The following NLGN4X variants were observed in gnomAD, a reference collection of about 807,000 sequenced individuals.
NLGN4X encodes the protein neuroligin 4 X-linked.
In NLGN4X, 3 loss-of-function variants were observed where a neutral mutation model predicts 40.3. The observed-to-expected ratio is 0.07, with a 90% CI of 0.03 to 0.19. NLGN4X has a LOEUF of 0.19. Among genes scored for constraint, NLGN4X ranks in the 10% least tolerant of loss-of-function variants. The pLI is 1.00. For missense variants in NLGN4X, 382 were observed against 708.3 expected (o/e 0.54, Z 5.23); for synonymous variants, 270 against 306.8 (o/e 0.88, Z 1.25).
intron 3 of NLGN4X, among the ~76,000 whole-genome samples, chrX:5,910,611 A>G (rs1056561315): frequency 9.0e-6 from 1 of 111,489 alleles, no homozygotes; most frequent in African/African-American, 3.3e-5. Context: ...TTTAAAACAA[A>G]AAGAGTAGAG....
chrX:6,172,079 C>T (rs942612842), intron 1 of NLGN4X, among the ~76,000 whole-genome samples: 1 of 111,923 alleles, frequency 8.9e-6, no homozygotes, highest in South Asian at 3.8e-4. Flanking sequence ...GCTTCCTGTA[C>T]GGCCTGCAGA....
intron 1 of NLGN4X, among the ~76,000 whole-genome samples, chrX:6,202,052 TAGA>T (rs1417390610): frequency 9.1e-6 from 1 of 110,414 alleles, no homozygotes; most frequent in Non-Finnish European, 1.9e-5. Context: ...GAAGGAAAAT[TAGA>T]AGAATAGATT....
intron 2 of NLGN4X, among the ~76,000 whole-genome samples, chrX:6,147,893 TTAAA>T (rs1399328795): frequency 1.8e-5 from 2 of 112,071 alleles, no homozygotes; most frequent in Non-Finnish European, 3.8e-5. Flanking sequence ...CTATGAAAAT[TTAAA>T]TAAAGAAATT....
chrX:6,100,226 T>G (rs184366054), intron 2 of NLGN4X, among the ~76,000 whole-genome samples: 98 of 112,453 alleles, frequency 8.7e-4, no homozygotes, highest in Non-Finnish European at 1.7e-3. Context: ...GGGCCAGGTG[T>G]TCCTTGCCCT....
At chrX:5,940,700 T>G (rs1374117429) in intron 3 of NLGN4X, among the ~76,000 whole-genome samples, 1 of 110,530 alleles carries the variant, frequency 9.0e-6, no homozygotes, top group African/African-American at 3.3e-5. Flanking sequence ...TAACCTATCA[T>G]GGTAGCAGAG....
At chrX:6,018,700 C>A (rs145973198) in intron 3 of NLGN4X, among the ~76,000 whole-genome samples, 1 of 112,007 alleles carries the variant, frequency 8.9e-6, no homozygotes, top group Non-Finnish European at 1.9e-5. Flanking sequence ...TTTTACCCAT[C>A]TGTTTATGAC....
chrX:6,225,433 C>T (rs1460118130), intron 1 of NLGN4X, among the ~76,000 whole-genome samples: 2 of 109,651 alleles, frequency 1.8e-5, no homozygotes, highest in African/African-American at 3.3e-5. Context: ...GCTCTGCCAT[C>T]CCCTAGGAAA....
At chrX:6,170,901 G>A (rs759213618) in intron 1 of NLGN4X, among the ~76,000 whole-genome samples, 7 of 111,554 alleles carry the variant, frequency 6.3e-5, no homozygotes, top group South Asian at 7.6e-4. Flanking sequence ...ACAACTCACC[G>A]CAGCCCCAAC....
At chrX:6,222,242 G>A (rs1017696591) in intron 1 of NLGN4X, among the ~76,000 whole-genome samples, 4 of 110,699 alleles carry the variant, frequency 3.6e-5, no homozygotes, top group African/African-American at 1.3e-4. Context: ...TGTGGGAGCC[G>A]GACAGATGCC....
intron 1 of NLGN4X, among the ~76,000 whole-genome samples, chrX:6,175,916 T>C (rs1006180839): frequency 9.0e-6 from 1 of 110,890 alleles, no homozygotes; most frequent in Non-Finnish European, 1.9e-5. Flanking sequence ...CAAAGGCTCC[T>C]GTGTATCTGC....
intron 3 of NLGN4X, among the ~76,000 whole-genome samples, chrX:6,015,586 T>C (rs1378796522): frequency 1.8e-5 from 2 of 111,725 alleles, no homozygotes; most frequent in Admixed American, 1.9e-4. Flanking sequence ...CTTCCCCCAA[T>C]AGACTGATCA....
intron 1 of NLGN4X, among the ~76,000 whole-genome samples, chrX:6,224,579 A>G (rs899898156): frequency 9.0e-6 from 1 of 111,504 alleles, no homozygotes; most frequent in Non-Finnish European, 1.9e-5. Flanking sequence ...AATTCTTTCA[A>G]GTCTGCTTGT....
At chrX:6,174,982 T>G (rs2040692326) in intron 1 of NLGN4X, among the ~76,000 whole-genome samples, 1 of 111,978 alleles carries the variant, frequency 8.9e-6, no homozygotes, top group South Asian at 3.7e-4. Context: ...TGTATCTTTG[T>G]GTCCTCATTC....
chrX:5,896,597 G>C (rs935987701), intron 5 of NLGN4X, among the ~76,000 whole-genome samples: 2 of 112,025 alleles, frequency 1.8e-5, no homozygotes, highest in African/African-American at 6.5e-5. Context: ...ATTTCCACCT[G>C]TCCTGTTTTA....
intron 1 of NLGN4X, among the ~76,000 whole-genome samples, chrX:6,221,664 C>T (rs1452019688): frequency 9.1e-6 from 1 of 109,761 alleles, no homozygotes; most frequent in African/African-American, 3.3e-5. Flanking sequence ...AGTTTCCCCA[C>T]CTAACCCATT....
chrX:5,894,007 G>C (rs1480770880), intron 5 of NLGN4X, among the ~76,000 whole-genome samples: 2 of 112,459 alleles, frequency 1.8e-5, no homozygotes, highest in Non-Finnish European at 3.7e-5. Context: ...AAAAATTTCA[G>C]TATTTCAAGT....
intron 3 of NLGN4X, among the ~76,000 whole-genome samples, chrX:6,010,513 T>TTTATTATTAATTATTA (rs1555947644): frequency 1.3e-4 from 12 of 95,413 alleles, no homozygotes; most frequent in African/African-American, 4.5e-4. Context: ...TTCTTTTTAT[T>TTTATTATTAATTATTA]TTATTATTAT....
intron 1 of NLGN4X, among the ~76,000 whole-genome samples, chrX:6,152,428 C>A (rs1245612150): frequency 8.9e-6 from 1 of 112,461 alleles, no homozygotes; most frequent in East Asian, 2.8e-4. Flanking sequence ...TACATGGGTA[C>A]TTCCAAAACA....
intron 2 of NLGN4X, among the ~76,000 whole-genome samples, chrX:6,100,134 A>G (rs2038873283): frequency 8.9e-6 from 1 of 112,901 alleles, no homozygotes; most frequent in Non-Finnish European, 1.9e-5. Flanking sequence ...TATCTGCAGC[A>G]GGAGCATGTC....
Sources: allele counts gnomAD v4.1 joint callset (sites outside exome capture counted in the v4.1 genomes callset), GRCh38; gene constraint gnomAD v4.1.1; transcripts MANE v1.5; gene names NCBI Gene and HGNC (gene_info 2026-07-23, HGNC 2026-07-21).